The following ACCSL variants were observed in gnomAD, a reference collection of about 807,000 sequenced individuals.
ACCSL encodes 1-aminocyclopropane-1-carboxylate synthase homolog (inactive) like, also known as probable inactive 1-aminocyclopropane-1-carboxylate synthase-like protein 2.
Under a neutral mutation model 61.7 loss-of-function variants are expected in ACCSL, and 55 were observed. That is an observed-to-expected ratio of 0.89 (90% CI 0.72 to 1.12). ACCSL has a LOEUF of 1.12. ACCSL is among the 50% of genes most tolerant of loss of function. The pLI, the probability that ACCSL is intolerant of heterozygous loss-of-function variation, is 0.00. For synonymous variants in ACCSL, 258 were observed against 264.3 expected (o/e 0.98, Z 0.23); for missense variants, 632 against 698.0 (o/e 0.91, Z 1.07).
the ACCSL span, among the ~76,000 whole-genome samples, chr11:44,005,416 G>C: frequency 6.6e-6 from 1 of 152,090 alleles, no homozygotes; most frequent in African/African-American, 2.4e-5. Flanking sequence ...GAGGACAAAG[G>C]GGTTCCACTA....
At chr11:43,951,552 TATTTGAGGGA>T in the ACCSL span, among the ~76,000 whole-genome samples, 1,345 of 152,300 alleles carry the variant, frequency 8.8e-3, 20 homozygotes, top group African/African-American at 0.031. Context: ...GCCTTTTAAG[TATTTGAGGGA>T]ATTTGATTGC....
chr11:44,039,171 G>T, the ACCSL span, among the ~76,000 whole-genome samples: 1 of 152,172 alleles, frequency 6.6e-6, no homozygotes, highest in African/African-American at 2.4e-5. Flanking sequence ...CAGGATGGGG[G>T]ATATGTGAGG....
At chr11:43,980,127 C>T in the ACCSL span, among the ~76,000 whole-genome samples, 2 of 152,152 alleles carry the variant, frequency 1.3e-5, no homozygotes, top group African/African-American at 4.8e-5. Flanking sequence ...TCTTGGCATA[C>T]ATGTAAATCT....
At chr11:44,002,849 C>T in the ACCSL span, among the ~76,000 whole-genome samples, 11 of 152,054 alleles carry the variant, frequency 7.2e-5, no homozygotes, top group South Asian at 4.2e-4. Flanking sequence ...GGCAAGGCAC[C>T]GGGTAGGGGA....
At chr11:44,004,971 G>A in the ACCSL span, among the ~76,000 whole-genome samples, 1 of 152,196 alleles carries the variant, frequency 6.6e-6, no homozygotes, top group South Asian at 2.1e-4. Context: ...AGGCCATTGG[G>A]ACACTTGTAG....
the ACCSL span, among the ~76,000 whole-genome samples, chr11:43,971,110 A>G: frequency 1.3e-5 from 2 of 152,126 alleles, no homozygotes; most frequent in Non-Finnish European, 2.9e-5. Flanking sequence ...AGGTGGGCAG[A>G]TAACTTGAGG....
In ACCSL at chr11:44,050,027, G is replaced by A. The variant is rs11037842; in HGVS notation, c.505-35G>A. ...GGGATCTATGTAGGGTGGAGCAAGA[G>A]GACTGACCTGATCTTGGATTCCTTC... is the stretch of plus-strand genomic sequence containing the variant. On this transcript the variant is annotated intron_variant, in intron 1 of 13. Transcript: ENST00000378832. 6.9e-3 allele frequency: 11,204 copies of A among 1,614,006 alleles called. 135 individuals are homozygous for A. Among genetic ancestry groups the A allele is most frequent in the East Asian group, 0.045 (2,021 of 44,882 alleles).
At chr11:44,049,610 G>A (rs1484189524) in intron 1 of ACCSL, among the ~76,000 whole-genome samples, 1 of 152,050 alleles carries the variant, frequency 6.6e-6, no homozygotes, top group African/African-American at 2.4e-5. Flanking sequence ...AATGTGTAAG[G>A]AGAAGTAGCA....
At chr11:44,050,331 T>C (rs529197323) in intron 2 of ACCSL, among the ~76,000 whole-genome samples, 1 of 152,350 alleles carries the variant, frequency 6.6e-6, no homozygotes, top group Admixed American at 6.5e-5. Context: ...AAAGTTGCTA[T>C]GGGAACCTCT....
chr11:44,011,532 C>T, the ACCSL span, among the ~76,000 whole-genome samples: 6 of 152,206 alleles, frequency 3.9e-5, no homozygotes, highest in African/African-American at 1.4e-4. Context: ...GACACTTACT[C>T]GGTCTCCCTA....
chr11:44,024,449 G>C, the ACCSL span, among the ~76,000 whole-genome samples: 6,521 of 83,436 alleles, frequency 0.078, 239 homozygotes, highest in African/African-American at 0.18. Flanking sequence ...CTCTGTGTGT[G>C]TGTGTGTGTG....
At chr11:44,048,628 C>T in intron 1 of ACCSL, 88 bp downstream of exon 1, 1 of 1,285,080 alleles carries the variant, frequency 7.8e-7, no homozygotes, top group Non-Finnish European at 1.1e-6. Context: ...GCTATATATG[C>T]TCTCATTCTT....
At chr11:43,948,216 G>T in the ACCSL span, among the ~76,000 whole-genome samples, 1 of 152,194 alleles carries the variant, frequency 6.6e-6, no homozygotes, top group Non-Finnish European at 1.5e-5. Context: ...TGAGCCCAGG[G>T]AATTGAGGTC....
the ACCSL span, among the ~76,000 whole-genome samples, chr11:43,952,385 C>A: frequency 6.6e-6 from 1 of 152,146 alleles, no homozygotes; most frequent in Admixed American, 6.5e-5. Flanking sequence ...TTGTCTTATT[C>A]CCAATTTCTG....
the ACCSL span, among the ~76,000 whole-genome samples, chr11:44,024,200 G>C: frequency 6.6e-6 from 1 of 152,020 alleles, no homozygotes; most frequent in Non-Finnish European, 1.5e-5. Context: ...TTTGCTTCCT[G>C]CTTGTTTACT....
At chr11:44,033,049 G>C in the ACCSL span, among the ~76,000 whole-genome samples, 1 of 152,194 alleles carries the variant, frequency 6.6e-6, no homozygotes, top group Non-Finnish European at 1.5e-5. Context: ...AGTGGAGTAA[G>C]GCTCAACAAA....
chr11:43,970,440 G>A, the ACCSL span, among the ~76,000 whole-genome samples: 1 of 152,148 alleles, frequency 6.6e-6, no homozygotes, highest in Non-Finnish European at 1.5e-5. Flanking sequence ...CCAGACTCAA[G>A]TGATCTGCCC....
At chr11:44,023,292 A>G in the ACCSL span, among the ~76,000 whole-genome samples, 1 of 151,950 alleles carries the variant, frequency 6.6e-6, no homozygotes, top group Non-Finnish European at 1.5e-5. Context: ...GGCTCAAGCA[A>G]TCCACCTGCC....
chr11:43,987,985 C>T, the ACCSL span, among the ~76,000 whole-genome samples: 2 of 151,946 alleles, frequency 1.3e-5, no homozygotes, highest in Non-Finnish European at 2.9e-5. Context: ...AAAGAATCTG[C>T]ATGGAAAATG....
Sources: gnomAD v4.1 joint callset for allele counts (sites outside exome capture counted in the v4.1 genomes callset) on GRCh38, gnomAD v4.1.1 for gene constraint, MANE v1.5 for transcripts, NCBI Gene and HGNC (gene_info 2026-07-23, HGNC 2026-07-21) for gene names.